Variants in ZNF469 observed in about 807,000 individuals in gnomAD.
ZNF469 encodes zinc finger protein 469.
Under a neutral mutation model 1.0 loss-of-function variants are expected in ZNF469, and 1 was observed. That is an observed-to-expected ratio of 1.00 (90% confidence interval 0.35 to 4.73). ZNF469 has a LOEUF of 4.73. ZNF469 is among the 30% of genes most tolerant of loss of function. The pLI, the probability that ZNF469 is intolerant of heterozygous loss-of-function variation, is 0.16. For synonymous variants in ZNF469, 2,703 were observed against 2,363.4 expected (o/e 1.14, Z -4.17); for missense variants, 6,100 against 5,356.3 (o/e 1.14, Z -4.33).
the ZNF469 span, among the ~76,000 whole-genome samples, chr16:88,319,210 C>G: frequency 6.6e-6 from 1 of 152,164 alleles, no homozygotes. Context: ...GCTGCCCACA[C>G]TGTCCCCCTT....
the ZNF469 span, among the ~76,000 whole-genome samples, chr16:88,140,727 T>A: frequency 6.6e-6 from 1 of 151,598 alleles, no homozygotes; most frequent in Admixed American, 6.6e-5. Flanking sequence ...AGGTCAGGAG[T>A]TCGAGACCAG....
the ZNF469 span, among the ~76,000 whole-genome samples, chr16:88,261,739 TG>T: frequency 6.6e-6 from 1 of 151,962 alleles, no homozygotes; most frequent in Admixed American, 6.6e-5. This position sits in a 1 kb window ranked among gnomAD's most constrained non-coding sequence, Gnocchi z 6.0. Context: ...CTGTCTCGGG[TG>T]GGGGCTGCCT....
At position 88,432,807 on chromosome 16, in the gene ZNF469, G is replaced by A. The variant is rs140280704; in HGVS notation, c.5337G>A (p.Glu1779=). 1.4e-5 allele frequency: 21 copies of A among 1,550,378 alleles called. No individual in the cohort carries two copies. In the East Asian group the frequency reaches 4.9e-4, roughly 36 times the overall value. Residue 1779 remains glutamate (E), a synonymous_variant, in exon 3 of 3, where the codon GAG becomes GAA. Transcript: ENST00000565624. ...AACAGAGAGGAGGGTTCCTCCCAGAGCCCGGCACAGCAGACCAGCCCCACC... is the reference window on the plus strand; with the variant it reads ...AACAGAGAGGAGGGTTCCTCCCAGAACCCGGCACAGCAGACCAGCCCCACC... ...PCEQRGGFLP[E]PGTADQPHRG...
At chr16:88,339,799 G>A in the ZNF469 span, among the ~76,000 whole-genome samples, 1 of 109,742 alleles carries the variant, frequency 9.1e-6, no homozygotes, top group African/African-American at 3.5e-5. Flanking sequence ...GGGATGGGGG[G>A]ACATGGTGGC....
the ZNF469 span, among the ~76,000 whole-genome samples, chr16:88,186,520 A>T: frequency 6.6e-6 from 1 of 152,044 alleles, no homozygotes; most frequent in African/African-American, 2.4e-5. Context: ...CGAAGCCTGC[A>T]CTTCAGCCCC....
chr16:88,312,235 C>T, the ZNF469 span, among the ~76,000 whole-genome samples: 1 of 152,194 alleles, frequency 6.6e-6, no homozygotes, highest in Admixed American at 6.5e-5. Context: ...ATTATGGGAA[C>T]TACAGTTCAA....
chr16:88,171,715 TG>T, the ZNF469 span, among the ~76,000 whole-genome samples: 4 of 152,194 alleles, frequency 2.6e-5, no homozygotes, highest in African/African-American at 9.7e-5. Flanking sequence ...TGCGTTACCC[TG>T]GGGAGAAACG....
At chr16:88,103,149 C>A in the ZNF469 span, among the ~76,000 whole-genome samples, 1 of 151,878 alleles carries the variant, frequency 6.6e-6, no homozygotes, top group Non-Finnish European at 1.5e-5. Context: ...GCCCCTCCCC[C>A]CTCCCCTGGG....
chr16:88,263,019 C>A, the ZNF469 span, among the ~76,000 whole-genome samples: 1 of 152,154 alleles, frequency 6.6e-6, no homozygotes, highest in Non-Finnish European at 1.5e-5. Context: ...CAGGCGTGGC[C>A]CCCGGGAGAA....
rs1426165334 is a variant in ZNF469, at chr16:88,399,157, C to G, written c.-192+15903C>G. On this transcript the variant is annotated intron_variant, in intron 1 of 2. Transcript: ENST00000565624. ...TGCATGTGGCTGGCAGTTTGGCAGG[C>G]AGCCCACTGGGCCCAAGAGGCTCTG... Among the ~76,000 whole-genome samples the G allele has an allele frequency of 5.9e-5, 9 of 152,330 alleles. No homozygotes were observed. In the East Asian group the frequency reaches 1.5e-3, roughly 26 times the overall value.
the ZNF469 span, among the ~76,000 whole-genome samples, chr16:88,354,651 C>T: frequency 8.5e-5 from 13 of 152,220 alleles, no homozygotes; most frequent in Admixed American, 5.9e-4. Context: ...CAAATGGAAT[C>T]GAGGCTGCTG....
At chr16:88,409,517 C>T (rs1027696100) in intron 1 of ZNF469, among the ~76,000 whole-genome samples, 3 of 152,104 alleles carry the variant, frequency 2.0e-5, no homozygotes, top group African/African-American at 7.2e-5. Flanking sequence ...GGGCAGCAGC[C>T]GGGAGTGTGG....
the ZNF469 span, among the ~76,000 whole-genome samples, chr16:88,256,951 T>TTTCTTTCTTTC: frequency 7.8e-3 from 130 of 16,678 alleles, 2 homozygotes; most frequent in East Asian, 0.018. Flanking sequence ...TCTTTCTTTC[T>TTTCTTTCTTTC]TTTCTTTTCT....
At chr16:88,125,586 A>G in the ZNF469 span, among the ~76,000 whole-genome samples, 1 of 152,186 alleles carries the variant, frequency 6.6e-6, no homozygotes, top group Non-Finnish European at 1.5e-5. Context: ...CTCTCTTTTT[A>G]TTTAGATCTC....
At chr16:88,183,050 A>C in the ZNF469 span, among the ~76,000 whole-genome samples, 1 of 152,256 alleles carries the variant, frequency 6.6e-6, no homozygotes, top group African/African-American at 2.4e-5. Context: ...TAAGAAGACA[A>C]ATATAATCCA....
At chr16:88,322,415 C>G in the ZNF469 span, among the ~76,000 whole-genome samples, 9 of 152,256 alleles carry the variant, frequency 5.9e-5, no homozygotes, top group African/African-American at 2.2e-4. Context: ...GAGCCCCGCC[C>G]TGCCTGTCAC....
chr16:88,187,993 CA>C, the ZNF469 span, among the ~76,000 whole-genome samples: 2 of 152,100 alleles, frequency 1.3e-5, no homozygotes, highest in Non-Finnish European at 2.9e-5. Flanking sequence ...CTGTCTTTCA[CA>C]CCAGCCTCCT....
At chr16:88,394,113 T>C (rs79590392) in intron 1 of ZNF469, among the ~76,000 whole-genome samples, 19,345 of 100,266 alleles carry the variant, frequency 0.19, 4,709 homozygotes, top group Non-Finnish European at 0.24. Context: ...CTGCGCTGTC[T>C]GAGAGGAGCG....
At chr16:88,206,543 C>T in the ZNF469 span, among the ~76,000 whole-genome samples, 1 of 152,116 alleles carries the variant, frequency 6.6e-6, no homozygotes, top group Non-Finnish European at 1.5e-5. Context: ...CCGATTACCA[C>T]AATCGTGTTC....
Sources: gnomAD v4.1 joint callset for allele counts (sites outside exome capture counted in the v4.1 genomes callset) on GRCh38, gnomAD v4.1.1 for gene constraint, Gnocchi (gnomAD v3.1) non-coding constraint, MANE v1.5 for transcripts, NCBI Gene and HGNC (gene_info 2026-07-23, HGNC 2026-07-21) for gene names.